DMD: variants seen among roughly 807,000 people sequenced by gnomAD.
DMD encodes dystrophin, also known as mutant dystrophin.
A neutral mutation model predicts 330.1 loss-of-function variants in DMD; 63 were observed. The ratio of observed to expected loss-of-function variants is 0.19; its 90% CI spans 0.16 to 0.24. DMD has a LOEUF of 0.24. DMD is among the 10% of genes least tolerant of loss of function. The pLI is 1.00. For synonymous variants in DMD, 1,223 were observed against 959.8 expected (o/e 1.27, Z -5.07); for missense variants, 3,344 against 2,684.1 (o/e 1.25, Z -5.43).
chrX:31,691,524 C>T, intron 52 of DMD, among the ~76,000 whole-genome samples: 1 of 111,272 alleles, frequency 9.0e-6, no homozygotes, highest in East Asian at 2.8e-4. Flanking sequence ...AAAACAAGAC[C>T]CAAATATGTG....
chrX:32,667,769 T>G (rs1008541284), intron 9 of DMD, among the ~76,000 whole-genome samples: 5 of 39,693 alleles, frequency 1.3e-4, no homozygotes, highest in Non-Finnish European at 3.1e-4. Context: ...GCTTTTGTGT[T>G]TTTTTTTTTT....
chrX:31,635,641 G>C (rs2079370378), intron 54 of DMD, among the ~76,000 whole-genome samples: 1 of 111,783 alleles, frequency 8.9e-6, no homozygotes, highest in Non-Finnish European at 1.9e-5. Flanking sequence ...AGTCCTGTCA[G>C]TGGAATTTGG....
At chrX:32,135,592 G>A (rs750411772) in intron 44 of DMD, among the ~76,000 whole-genome samples, 152 of 111,607 alleles carry the variant, frequency 1.4e-3, no homozygotes, top group African/African-American at 4.8e-3. Context: ...GCATGGTGGC[G>A]TGCGCCAGTA....
intron 19 of DMD, among the ~76,000 whole-genome samples, chrX:32,492,584 A>C (rs1285763598): frequency 9.0e-6 from 1 of 111,557 alleles, no homozygotes; most frequent in Non-Finnish European, 1.9e-5. Flanking sequence ...TATATGACGA[A>C]CGCCAGTCCA....
At chrX:32,866,742 T>TGGGGGG (rs61420337) in intron 2 of DMD, among the ~76,000 whole-genome samples, 3 of 37,289 alleles carry the variant, frequency 8.0e-5, no homozygotes, top group Non-Finnish European at 8.6e-5. Flanking sequence ...GGTGGGGGGG[T>TGGGGGG]GGGGGGGGGG....
At chrX:31,298,928 G>A (rs1446353149) in intron 62 of DMD, among the ~76,000 whole-genome samples, 2 of 112,165 alleles carry the variant, frequency 1.8e-5, no homozygotes, top group African/African-American at 6.5e-5. Context: ...TATCTTCTGA[G>A]AGAGTTTCTG....
At chrX:32,252,998 G>A (rs1162385258) in intron 43 of DMD, among the ~76,000 whole-genome samples, 2 of 92,418 alleles carry the variant, frequency 2.2e-5, no homozygotes, top group African/African-American at 8.0e-5. Flanking sequence ...ATATTCAACG[G>A]TAAATGGTTT....
chrX:31,531,046 G>A (rs1370734734), intron 55 of DMD, among the ~76,000 whole-genome samples: 2 of 90,060 alleles, frequency 2.2e-5, no homozygotes, highest in Non-Finnish European at 4.2e-5. Context: ...TGGTGGATAT[G>A]TGCCACATTT....
intron 2 of DMD, among the ~76,000 whole-genome samples, chrX:32,888,408 A>T (rs1231734249): frequency 9.0e-6 from 1 of 111,341 alleles, no homozygotes; most frequent in Non-Finnish European, 1.9e-5. Flanking sequence ...GACAACAGGT[A>T]TATGACAAAA....
intron 12 of DMD, among the ~76,000 whole-genome samples, chrX:32,599,003 C>A (rs2055883397): frequency 1.8e-5 from 2 of 111,598 alleles, no homozygotes; most frequent in African/African-American, 6.5e-5. Flanking sequence ...AATGTTATTT[C>A]CAGTATCTCT....
At chrX:32,726,277 G>A (rs1430220622) in intron 7 of DMD, among the ~76,000 whole-genome samples, 1 of 111,057 alleles carries the variant, frequency 9.0e-6, no homozygotes, top group East Asian at 2.8e-4. Flanking sequence ...GCTTATCAAT[G>A]TCTCCCATAA....
intron 52 of DMD, among the ~76,000 whole-genome samples, chrX:31,695,856 T>G (rs1156926613): frequency 1.8e-5 from 2 of 111,147 alleles, no homozygotes; most frequent in African/African-American, 3.3e-5. Context: ...GGTGTTCTTT[T>G]GCACAGCACA....
intron 11 of DMD, among the ~76,000 whole-genome samples, chrX:32,621,864 G>C (rs2058022508): frequency 9.0e-6 from 1 of 111,429 alleles, no homozygotes; most frequent in South Asian, 3.8e-4. Flanking sequence ...AAACTTGCTA[G>C]AAGTGCAAAT....
chrX:33,015,519 G>T (rs190424805), intron 2 of DMD, among the ~76,000 whole-genome samples: 2 of 110,822 alleles, frequency 1.8e-5, no homozygotes, highest in Non-Finnish European at 3.8e-5. Context: ...TCGGAAGGTG[G>T]AGGGTGGGAG....
chrX:32,764,541 CAT>C (rs930775268), intron 7 of DMD, among the ~76,000 whole-genome samples: 3 of 111,230 alleles, frequency 2.7e-5, no homozygotes, highest in Admixed American at 9.7e-5. Context: ...CAAATAGAAT[CAT>C]ATGTTATCCT....
intron 1 of DMD, among the ~76,000 whole-genome samples, chrX:33,112,975 G>T (rs2095351751): frequency 9.3e-6 from 1 of 107,695 alleles, no homozygotes; most frequent in Non-Finnish European, 1.9e-5. Flanking sequence ...AATAAATAAA[G>T]TAAAAATATT....
intron 74 of DMD, among the ~76,000 whole-genome samples, chrX:31,156,240 C>G (rs2038102340): frequency 1.8e-5 from 2 of 111,735 alleles, no homozygotes; most frequent in African/African-American, 6.5e-5. Flanking sequence ...CAGAGCCTTA[C>G]TTCCAAGCCC....
chrX:32,651,704 G>A (rs750192823), intron 9 of DMD, among the ~76,000 whole-genome samples: 1 of 111,558 alleles, frequency 9.0e-6, no homozygotes, highest in Non-Finnish European at 1.9e-5. Context: ...TATCCATGAT[G>A]TCCTTATTTC....
At chrX:31,916,579 T>G (rs1012361573) in intron 47 of DMD, among the ~76,000 whole-genome samples, 12 of 111,957 alleles carry the variant, frequency 1.1e-4, no homozygotes, top group Non-Finnish European at 1.9e-4. Flanking sequence ...TTAGAAGACC[T>G]AATAATAGCT....
Sources: gnomAD v4.1 joint callset for allele counts (sites outside exome capture counted in the v4.1 genomes callset) on GRCh38, gnomAD v4.1.1 for gene constraint, MANE v1.5 for transcripts, NCBI Gene and HGNC (gene_info 2026-07-23, HGNC 2026-07-21) for gene names.